Variants in GPC3 observed in about 807,000 individuals in gnomAD.
GPC3 encodes glypican-3.
In GPC3, 3 loss-of-function variants were observed where a neutral mutation model predicts 34.4. The ratio of observed to expected loss-of-function variants is 0.09; its 90% confidence interval spans 0.04 to 0.23. GPC3 has a LOEUF of 0.23. Among genes scored for constraint, GPC3 ranks in the 10% least tolerant of loss-of-function variants. GPC3 has a pLI of 1.00. For synonymous variants in GPC3, 177 were observed against 174.0 expected (o/e 1.02, Z -0.13); for missense variants, 351 against 445.6 (o/e 0.79, Z 1.91).
intron 2 of GPC3, among the ~76,000 whole-genome samples, chrX:133,798,153 A>G (rs963565376): frequency 8.9e-6 from 1 of 111,768 alleles, no homozygotes; most frequent in African/African-American, 3.3e-5. Context: ...TTATCTATCT[A>G]AAATAAGAGA....
At chrX:133,885,879 C>T (rs1389207927) in intron 2 of GPC3, among the ~76,000 whole-genome samples, 2 of 110,835 alleles carry the variant, frequency 1.8e-5, no homozygotes, top group Non-Finnish European at 3.8e-5. Flanking sequence ...CTTAAAATTT[C>T]GAGTTTTAGC....
intron 6 of GPC3, among the ~76,000 whole-genome samples, chrX:133,639,138 C>T (rs932642910): frequency 8.9e-6 from 1 of 111,988 alleles, no homozygotes; most frequent in Non-Finnish European, 1.9e-5. Flanking sequence ...GCTTTGTCCA[C>T]GCTGTTCTCT....
At chrX:133,623,421 C>T (rs748117385) in intron 6 of GPC3, among the ~76,000 whole-genome samples, 6 of 111,485 alleles carry the variant, frequency 5.4e-5, no homozygotes, top group South Asian at 3.8e-4. Context: ...ACCCATCTCA[C>T]GTGCAGAGAC....
At chrX:133,835,812 A>AAAAAATC (rs2075796998) in intron 2 of GPC3, among the ~76,000 whole-genome samples, 1 of 112,936 alleles carries the variant, frequency 8.9e-6, no homozygotes, top group African/African-American at 3.2e-5. Context: ...ATTATCAGGA[A>AAAAAATC]AAAAAATCAT....
chrX:133,923,224 G>A (rs1227686138), intron 2 of GPC3, among the ~76,000 whole-genome samples: 2 of 111,213 alleles, frequency 1.8e-5, no homozygotes, highest in East Asian at 2.8e-4. Flanking sequence ...AAACAAAATC[G>A]GACCCATTTA....
At chrX:133,859,806 T>G (rs2075926942) in intron 2 of GPC3, among the ~76,000 whole-genome samples, 1 of 111,284 alleles carries the variant, frequency 9.0e-6, no homozygotes, top group Non-Finnish European at 1.9e-5. Flanking sequence ...AAAGGCTGAG[T>G]AATTTGTGAA....
chrX:133,763,011 T>C, intron 2 of GPC3: 3 of 739,236 alleles, frequency 4.1e-6, no homozygotes, highest in Non-Finnish European at 4.2e-6. Context: ...AAAACCCTGC[T>C]GATGTCAGTG....
chrX:133,541,996 C>T (rs768755106), intron 7 of GPC3, among the ~76,000 whole-genome samples: 1 of 111,950 alleles, frequency 8.9e-6, no homozygotes, highest in South Asian at 3.8e-4. Context: ...GATTCCAAGG[C>T]TCTTGCAGCC....
chrX:133,642,712 C>T (rs1299091870), intron 6 of GPC3, among the ~76,000 whole-genome samples: 3 of 92,783 alleles, frequency 3.2e-5, no homozygotes, highest in Non-Finnish European at 4.1e-5. Context: ...GCAGAGGTTG[C>T]GGTGAGCTGA....
intron 2 of GPC3, among the ~76,000 whole-genome samples, chrX:133,860,320 C>T (rs1227475439): frequency 1.8e-5 from 2 of 110,990 alleles, no homozygotes; most frequent in African/African-American, 6.6e-5. Flanking sequence ...AGTATTCCCA[C>T]TTCGAAACAC....
At chrX:133,695,775 A>T (rs188359507) in intron 4 of GPC3, among the ~76,000 whole-genome samples, 92 of 112,639 alleles carry the variant, frequency 8.2e-4, no homozygotes, top group Admixed American at 7.7e-3. Context: ...ATAAAGAAAG[A>T]TAGAAAGGGA....
intron 4 of GPC3, among the ~76,000 whole-genome samples, chrX:133,693,583 C>T (rs2124432175): frequency 9.0e-6 from 1 of 111,067 alleles, no homozygotes; most frequent in Admixed American, 9.5e-5. Flanking sequence ...TGTCTCCAGG[C>T]TAAGAATGGA....
rs376968797 is a variant in GPC3, at chrX:133,661,905, A to C, written c.1293-55T>G. The stretch of plus-strand genomic sequence containing the variant: ...GTCAAAGAAAGTCCCAAACAAAGGA[A>C]AAGCTGACTGTATTTGGCATCAACA... On this transcript the variant is annotated intron_variant, in intron 5 of 7. Coordinates refer to ENST00000370818, the MANE Select transcript of GPC3 (RefSeq NM_004484.4). 1.3e-5 allele frequency: 16 copies of C among 1,185,482 alleles called. No homozygotes were observed. The African/African-American group carries it at 1.6e-4, about 12-fold the overall frequency.
chrX:133,542,235 ATTGT>A (rs1158306855), intron 7 of GPC3, among the ~76,000 whole-genome samples: 2 of 111,619 alleles, frequency 1.8e-5, no homozygotes, highest in African/African-American at 3.3e-5. Flanking sequence ...TCCATGCTGG[ATTGT>A]TTCTGTTTTG....
chrX:133,688,179 T>C (rs1305950130), intron 5 of GPC3, among the ~76,000 whole-genome samples: 1 of 112,225 alleles, frequency 8.9e-6, no homozygotes. Flanking sequence ...CTGGAGGATC[T>C]TTCTGCCTTT....
intron 2 of GPC3, among the ~76,000 whole-genome samples, chrX:133,822,855 A>G (rs984558260): frequency 9.0e-6 from 1 of 110,837 alleles, no homozygotes; most frequent in Non-Finnish European, 1.9e-5. Context: ...ACAGCCTGGC[A>G]TGGTGGCTCA....
intron 3 of GPC3, among the ~76,000 whole-genome samples, chrX:133,747,311 G>A (rs1297814123): frequency 8.9e-6 from 1 of 111,826 alleles, no homozygotes; most frequent in Non-Finnish European, 1.9e-5. Context: ...TCATCTGACT[G>A]TGTGACTGGA....
chrX:133,746,685 G>A (rs2071616113), intron 3 of GPC3, among the ~76,000 whole-genome samples: 1 of 112,409 alleles, frequency 8.9e-6, no homozygotes, highest in Non-Finnish European at 1.9e-5. Context: ...AAGTAAAGTT[G>A]CTTACCATTG....
At chrX:133,546,044 G>GTT (rs2069383245) in intron 7 of GPC3, among the ~76,000 whole-genome samples, 1 of 111,820 alleles carries the variant, frequency 8.9e-6, no homozygotes, top group Non-Finnish European at 1.9e-5. Flanking sequence ...ACACTGATAG[G>GTT]ACTTTAACTA....
Sources: gnomAD v4.1 joint callset for allele counts (sites outside exome capture counted in the v4.1 genomes callset) on GRCh38, gnomAD v4.1.1 for gene constraint, MANE v1.5 for transcripts, NCBI Gene and HGNC (gene_info 2026-07-23, HGNC 2026-07-21) for gene names.